SH3PXD2B: variants seen among roughly 807,000 people sequenced by gnomAD.
The protein encoded by SH3PXD2B is SH3 and PX domain-containing protein 2B.
A neutral mutation model predicts 73.1 loss-of-function variants in SH3PXD2B; 37 were observed. The ratio of observed to expected loss-of-function variants is 0.51; its 90% CI spans 0.39 to 0.67. SH3PXD2B has a LOEUF of 0.67. Ranked by LOEUF, SH3PXD2B falls within the 30% of genes least tolerant of loss-of-function variation. The probability of loss-of-function intolerance (pLI) is 0.00; values close to 1 mark genes in which losing one functional copy is unlikely to be tolerated. For missense variants in SH3PXD2B, 1,053 were observed against 1,197.8 expected (o/e 0.88, Z 1.78); for synonymous variants, 457 against 480.5 (o/e 0.95, Z 0.64).
intron 11 of SH3PXD2B, 81 bp downstream of exon 11, chr5:172,347,202 G>T (rs570687448): frequency 2.9e-6 from 4 of 1,380,906 alleles, no homozygotes; most frequent in Non-Finnish European, 4.1e-6. Flanking sequence ...CTGGAAGGGC[G>T]AGGGGTGTGT....
rs535691335 is a variant in SH3PXD2B, at chr5:172,336,332, G to A, written c.*2037C>T. ...CTCTCAAGGGAGGGGACCCTCAAGC[G>A]GTGGCGGCCCTTCCCCACCTCCCTT... On this transcript the variant is annotated 3_prime_UTR_variant, in exon 13 of 13. Coordinates refer to ENST00000311601, the MANE Select transcript of SH3PXD2B (RefSeq NM_001017995.3). 1.9e-4 allele frequency: 184 copies of A among 985,648 alleles called. No individual in the cohort carries two copies. The African/African-American group carries it at 2.9e-3, about 15-fold the overall frequency. The allele number at this position is 985,648 out of a possible 1,614,324, so 61.1% of individuals were successfully genotyped here. A position where few individuals can be genotyped will look rare whatever the true frequency, so the allele number is the denominator to read the frequency against.
At chr5:172,329,232 C>A (rs1481000920), downstream of SH3PXD2B, among the ~76,000 whole-genome samples, 2 of 149,290 alleles carry the variant, frequency 1.3e-5, no homozygotes, top group Admixed American at 1.3e-4. Context: ...AGGCACGTGC[C>A]ACCATGCCCA....
Position 172,357,799 on chromosome 5 carries a change from A to G in SH3PXD2B, c.667+974T>C, listed in dbSNP as rs1378574491. On this transcript the variant is annotated intron_variant, in intron 8 of 12. Coordinates refer to ENST00000311601, the MANE Select transcript of SH3PXD2B (RefSeq NM_001017995.3). ...TGTAATACAACTGAATGCAAAAACC[A>G]TATGTCAATGCTTTGCTAACCTTTG... Among the ~76,000 whole-genome samples, 6 of 152,194 alleles carry G rather than the reference A, an allele frequency of 3.9e-5. No homozygotes were observed. In the East Asian group the frequency reaches 5.8e-4, roughly 15 times the overall value.
chr5:172,358,987 T>TAA, intron 7 of SH3PXD2B, 110 bp from the exon 8 acceptor site: 2 of 1,011,814 alleles, frequency 2.0e-6, no homozygotes, highest in Non-Finnish European at 3.0e-6. Flanking sequence ...AGGGTAAGGC[T>TAA]AAAGTTACCA....
At chr5:172,398,650 C>T (rs1758360679) in intron 3 of SH3PXD2B, among the ~76,000 whole-genome samples, 2 of 152,182 alleles carry the variant, frequency 1.3e-5, no homozygotes, top group African/African-American at 2.4e-5. Context: ...ACATATTCAA[C>T]CTCAAAAAGT....
chr5:172,447,699 G>A (rs553547020), intron 1 of SH3PXD2B, among the ~76,000 whole-genome samples: 6 of 152,328 alleles, frequency 3.9e-5, no homozygotes, highest in East Asian at 1.9e-4. Flanking sequence ...CACTAGAGGC[G>A]CAGAATGGCA....
intron 6 of SH3PXD2B, among the ~76,000 whole-genome samples, chr5:172,367,775 T>C (rs1168711090): frequency 6.6e-6 from 1 of 152,152 alleles, no homozygotes; most frequent in East Asian, 1.9e-4. Context: ...TAACTGGCTC[T>C]GCATCACCCT....
At chr5:172,433,636 A>G (rs988310622) in intron 1 of SH3PXD2B, among the ~76,000 whole-genome samples, 10 of 152,130 alleles carry the variant, frequency 6.6e-5, no homozygotes, top group Non-Finnish European at 1.3e-4. Context: ...GGATGCCCAG[A>G]GTGGGGGTGG....
chr5:172,340,049 C>A, intron 12 of SH3PXD2B, 133 bp from the exon 13 acceptor site: 1 of 1,498,992 alleles, frequency 6.7e-7, no homozygotes. Context: ...CTGACAAGGT[C>A]TACAGGGACC....
intron 8 of SH3PXD2B, among the ~76,000 whole-genome samples, chr5:172,355,398 A>G (rs919267378): frequency 1.3e-5 from 2 of 152,282 alleles, no homozygotes; most frequent in African/African-American, 4.8e-5. Flanking sequence ...GGTGGAGGGA[A>G]GAATCCAACC....
At chr5:172,430,982 T>G (rs1384758561) in intron 1 of SH3PXD2B, among the ~76,000 whole-genome samples, 1 of 152,192 alleles carries the variant, frequency 6.6e-6, no homozygotes, top group East Asian at 1.9e-4. Context: ...TTCTCATTCT[T>G]CAGCCTCCCA....
chr5:172,342,125 G>A (rs1756865640), intron 12 of SH3PXD2B, among the ~76,000 whole-genome samples: 1 of 152,178 alleles, frequency 6.6e-6, no homozygotes, highest in South Asian at 2.1e-4. Flanking sequence ...AGAGGACACA[G>A]GAGAAACCAA....
chr5:172,388,704 G>C (rs1581299689), intron 4 of SH3PXD2B, among the ~76,000 whole-genome samples: 1 of 152,250 alleles, frequency 6.6e-6, no homozygotes, highest in South Asian at 2.1e-4. Context: ...AGTCAGGTGG[G>C]CTGGGCAAGA....
intron 1 of SH3PXD2B, among the ~76,000 whole-genome samples, chr5:172,423,309 A>G (rs1759015679): frequency 6.6e-6 from 1 of 152,096 alleles, no homozygotes; most frequent in African/African-American, 2.4e-5. Flanking sequence ...ATCTGTTGCT[A>G]TAGGGTAGTT....
intron 7 of SH3PXD2B, among the ~76,000 whole-genome samples, chr5:172,359,352 A>G (rs1757349042): frequency 7.6e-6 from 1 of 131,192 alleles, no homozygotes; most frequent in African/African-American, 2.9e-5. Context: ...GTGCCACTGC[A>G]CTCCAGCCCG....
intron 6 of SH3PXD2B, among the ~76,000 whole-genome samples, chr5:172,369,535 C>T (rs979782229): frequency 6.6e-6 from 1 of 151,898 alleles, no homozygotes; most frequent in East Asian, 1.9e-4. Flanking sequence ...TTTGGGAGGC[C>T]GAGGTGGGCG....
chr5:172,422,394 A>C (rs778962315), intron 2 of SH3PXD2B, 22 bp downstream of exon 2: 1 of 1,593,208 alleles, frequency 6.3e-7, no homozygotes, highest in Admixed American at 1.8e-5. Flanking sequence ...CCTGCAGCTC[A>C]CCAGAGACCT....
At chr5:172,442,559 A>G (rs1759571720) in intron 1 of SH3PXD2B, among the ~76,000 whole-genome samples, 2 of 152,208 alleles carry the variant, frequency 1.3e-5, no homozygotes, top group African/African-American at 4.8e-5. Context: ...ATCCAAATAT[A>G]TAAATCTTTG....
intron 1 of SH3PXD2B, among the ~76,000 whole-genome samples, chr5:172,443,704 G>A (rs929068591): frequency 6.6e-6 from 1 of 152,244 alleles, no homozygotes; most frequent in Non-Finnish European, 1.5e-5. Flanking sequence ...ACAGGCTGCT[G>A]ATTCACACCT....
Sources: gnomAD v4.1 joint callset for allele counts (sites outside exome capture counted in the v4.1 genomes callset) on GRCh38, gnomAD v4.1.1 for gene constraint, MANE v1.5 for transcripts, NCBI Gene and HGNC (gene_info 2026-07-23, HGNC 2026-07-21) for gene names.